The following SETD5 variants were observed in gnomAD, a reference collection of about 807,000 sequenced individuals.
SETD5 encodes histone-lysine N-methyltransferase SETD5.
A neutral mutation model predicts 153.3 loss-of-function variants in SETD5; 44 were observed. The ratio of observed to expected loss-of-function variants is 0.29; its 90% CI spans 0.23 to 0.37. The LOEUF (loss-of-function observed/expected upper bound fraction) is 0.37. SETD5 is among the 10% of genes least tolerant of loss of function. SETD5 has a pLI of 1.00. For missense variants in SETD5, 1,544 were observed against 1,768.0 expected, an observed-to-expected ratio of 0.87 and a Z score of 2.27; for synonymous variants, 716 against 645.2, an observed-to-expected ratio of 1.11 and a Z score of -1.66.
intron 1 of SETD5, among the ~76,000 whole-genome samples, chr3:9,419,741 CTGTT>C (rs1293705791): frequency 1.3e-5 from 2 of 151,946 alleles, no homozygotes; most frequent in African/African-American, 4.8e-5. Flanking sequence ...TTCTTCATTT[CTGTT>C]TGTTCATCGG....
intron 16 of SETD5, 45 bp downstream of exon 16, chr3:9,448,675 C>CT (rs1177394620): frequency 2.8e-6 from 4 of 1,444,160 alleles, no homozygotes; most frequent in Non-Finnish European, 3.7e-6. Context: ...TGTGTGTGTG[C>CT]TTTATTTTTT....
At chr3:9,415,643 C>G (rs2125575860) in intron 1 of SETD5, among the ~76,000 whole-genome samples, 1 of 152,188 alleles carries the variant, frequency 6.6e-6, no homozygotes, top group African/African-American at 2.4e-5. Flanking sequence ...TGCAGTGGCA[C>G]AGTCATAGCT....
At chr3:9,437,760 T>G (rs551402984) in intron 7 of SETD5, among the ~76,000 whole-genome samples, 1 of 152,272 alleles carries the variant, frequency 6.6e-6, no homozygotes, top group African/African-American at 2.4e-5. Context: ...CCTAGCACTT[T>G]GGAAGACCAA....
intron 18 of SETD5, 109 bp downstream of exon 18, chr3:9,464,781 C>A: frequency 1.3e-6 from 2 of 1,544,402 alleles, no homozygotes; most frequent in South Asian, 1.2e-5. Flanking sequence ...CTTTCTTCCC[C>A]ATCTCAGTAA....
chr3:9,437,692 T>C (rs535578621), intron 7 of SETD5, among the ~76,000 whole-genome samples: 3 of 152,212 alleles, frequency 2.0e-5, no homozygotes, highest in Non-Finnish European at 2.9e-5. Flanking sequence ...TTGAGAGTTA[T>C]AGGGCATAAA....
intron 1 of SETD5, among the ~76,000 whole-genome samples, chr3:9,410,877 C>CT (rs34787440): frequency 0.23 from 33,426 of 146,036 alleles, 4,858 homozygotes; most frequent in African/African-American, 0.41. Flanking sequence ...TAAAAATTCT[C>CT]TTTTTTTTTT....
intron 2 of SETD5, among the ~76,000 whole-genome samples, chr3:9,428,291 A>G (rs1300623270): frequency 6.6e-6 from 1 of 152,244 alleles, no homozygotes; most frequent in Non-Finnish European, 1.5e-5. Context: ...ATGACAAAAG[A>G]AGGCACTAAG....
intron 3 of SETD5, 81 bp from the exon 4 acceptor site, chr3:9,433,764 G>A: frequency 7.3e-7 from 1 of 1,377,628 alleles, no homozygotes. Flanking sequence ...AAAGAGGAGG[G>A]GTTAGAATGG....
intron 1 of SETD5, among the ~76,000 whole-genome samples, chr3:9,403,245 C>T (rs566447570): frequency 1.1e-4 from 16 of 152,128 alleles, no homozygotes; most frequent in South Asian, 2.1e-4. Flanking sequence ...GATCCATTCT[C>T]GCCAAGGAAA....
At chr3:9,405,132 A>G (rs1029509775) in intron 1 of SETD5, among the ~76,000 whole-genome samples, 1 of 152,156 alleles carries the variant, frequency 6.6e-6, no homozygotes, top group Admixed American at 6.5e-5. Context: ...TAACTTCTGT[A>G]TCTTCTACTT....
At position 9,475,757 on chromosome 3, in the gene SETD5, G is replaced by C; in HGVS notation, c.3995G>C (p.Gly1332Ala). 1 of 1,613,962 alleles carries C rather than the reference G, an allele frequency of 6.2e-7. No individual in the cohort carries two copies. Among genetic ancestry groups the C allele is most frequent in the Non-Finnish European group, 8.5e-7 (1 of 1,179,858 alleles). The change falls in exon 23 of 23, where the codon GGC becomes GCC. Residue 1332 changes from glycine to alanine, a missense_variant. Gly to Ala is a moderately conservative substitution (Grantham distance 60, BLOSUM62 0). Coordinates refer to ENST00000402198, the MANE Select transcript of SETD5 (RefSeq NM_001080517.3). Reference sequence around the variant, plus strand: ...CAGCCACATTCTGGAAACAGCACTGGCAGCAATCTTCCAAGGAGGAGCTGC... The same window carrying C: ...CAGCCACATTCTGGAAACAGCACTGCCAGCAATCTTCCAAGGAGGAGCTGC... ...SSQPHSGNSTGSNLPRRSCPS... is the reference protein window; with the variant it reads ...SSQPHSGNSTASNLPRRSCPS...
intron 19 of SETD5, among the ~76,000 whole-genome samples, chr3:9,472,394 C>CTAGGCAGGGCACGGATTATGG (rs2045405378): frequency 6.6e-6 from 1 of 151,654 alleles, no homozygotes; most frequent in African/African-American, 2.4e-5. Context: ...AGAAGGTGTA[C>CTAGGCAGGGCACGGATTATGG]TAGGCAGGGC....
chr3:9,458,111 A>C (rs2043482753), intron 17 of SETD5, among the ~76,000 whole-genome samples: 1 of 152,120 alleles, frequency 6.6e-6, no homozygotes, highest in African/African-American at 2.4e-5. Flanking sequence ...TGGAATTTTT[A>C]GTTAGGAGAT....
chr3:9,424,141 G>T (rs1447760629), intron 1 of SETD5, among the ~76,000 whole-genome samples: 1 of 152,108 alleles, frequency 6.6e-6, no homozygotes, highest in African/African-American at 2.4e-5. Context: ...GCACCTTTTA[G>T]GAGAGAGAAA....
At chr3:9,435,330 C>A (rs1215181596) in intron 6 of SETD5, among the ~76,000 whole-genome samples, 1 of 151,904 alleles carries the variant, frequency 6.6e-6, no homozygotes, top group Non-Finnish European at 1.5e-5. Flanking sequence ...GATAGAAGTC[C>A]TCTCAAGACC....
intron 3 of SETD5, chr3:9,429,387 T>C (rs2125048878): frequency 5.7e-6 from 1 of 174,820 alleles, no homozygotes. Context: ...TTCCTTGAAG[T>C]CCTCTTCCTA....
intron 1 of SETD5, among the ~76,000 whole-genome samples, chr3:9,409,253 T>C (rs2036190565): frequency 6.6e-6 from 1 of 152,214 alleles, no homozygotes; most frequent in Admixed American, 6.5e-5. Flanking sequence ...TTGTCCGGAA[T>C]ACTCACCCTT....
At chr3:9,408,747 A>G (rs1241851124) in intron 1 of SETD5, among the ~76,000 whole-genome samples, 1 of 152,176 alleles carries the variant, frequency 6.6e-6, no homozygotes, top group African/African-American at 2.4e-5. Flanking sequence ...AGCTGTTGTT[A>G]TTCATTGCCT....
At position 9,428,978 on chromosome 3, in the gene SETD5, A is replaced by G. The variant is rs1559388263; in HGVS notation, c.40A>G (p.Thr14Ala). ...AIPLGVTTSD[T>A]SYSDMAAGSD... ...CCCTCTGGGAGTCACCACATCAGAT[A>G]CATCCTACTCAGATATGGCTGCTGG... The change falls in exon 3 of 23, where the codon ACA (threonine) becomes GCA (alanine). Residue 14 changes from threonine (T) to alanine (A), a missense_variant. Transcript: ENST00000402198. 3.1e-6 allele frequency: 5 copies of G among 1,613,340 alleles called. No homozygotes were observed. The African/African-American group carries it at 5.3e-5, about 17-fold the overall frequency.
Sources: gnomAD v4.1 joint callset for allele counts (sites outside exome capture counted in the v4.1 genomes callset) on GRCh38, gnomAD v4.1.1 for gene constraint, MANE v1.5 for transcripts, NCBI Gene and HGNC (gene_info 2026-07-23, HGNC 2026-07-21) for gene names.